The following KCNMB2 variants were observed in gnomAD, a reference collection of about 807,000 sequenced individuals.
The protein encoded by KCNMB2 is potassium calcium-activated channel subfamily M regulatory beta subunit 2, also known as calcium-activated potassium channel subunit beta-2.
KCNMB2 carries 9 observed loss-of-function variants against 24.5 expected under a neutral mutation model. That is an observed-to-expected ratio of 0.37 (90% CI 0.22 to 0.64). The LOEUF is 0.64. Ranked by LOEUF, KCNMB2 falls within the 30% of genes least tolerant of loss-of-function variation. The probability of loss-of-function intolerance (pLI) is 0.63; values close to 1 mark genes in which losing one functional copy is unlikely to be tolerated. For synonymous variants in KCNMB2, 109 were observed against 104.4 expected (o/e 1.04, Z -0.27); for missense variants, 226 against 284.3 (o/e 0.79, Z 1.47).
chr3:178,668,136 T>C (rs540199410), intron 1 of KCNMB2, among the ~76,000 whole-genome samples: 4 of 152,246 alleles, frequency 2.6e-5, no homozygotes, highest in Admixed American at 1.3e-4. Flanking sequence ...CCACGGAACA[T>C]GTATTTGCTG....
At chr3:178,662,668 G>T (rs945831535) in intron 1 of KCNMB2, among the ~76,000 whole-genome samples, 4 of 152,076 alleles carry the variant, frequency 2.6e-5, no homozygotes, top group African/African-American at 9.7e-5. Context: ...CAGAGGAAGT[G>T]TGAGTATGAA....
At chr3:178,552,809 T>G (rs1021134627) in intron 1 of KCNMB2, among the ~76,000 whole-genome samples, 5 of 152,242 alleles carry the variant, frequency 3.3e-5, no homozygotes, top group African/African-American at 1.2e-4. Context: ...ATAAGTCACA[T>G]ATTTTAAGCC....
intron 1 of KCNMB2, among the ~76,000 whole-genome samples, chr3:178,734,222 T>C (rs1403835119): frequency 6.6e-6 from 1 of 152,198 alleles, no homozygotes; most frequent in Non-Finnish European, 1.5e-5. Context: ...TTAGACAATA[T>C]TTTTTACTAA....
chr3:178,826,181 T>C (rs564558432), intron 3 of KCNMB2, among the ~76,000 whole-genome samples: 1 of 151,588 alleles, frequency 6.6e-6, no homozygotes, highest in Non-Finnish European at 1.5e-5. Context: ...CCCTCCTCCC[T>C]TTTCCACCCC....
At chr3:178,624,350 C>T (rs985363736) in intron 1 of KCNMB2, among the ~76,000 whole-genome samples, 1 of 150,292 alleles carries the variant, frequency 6.7e-6, no homozygotes, top group South Asian at 2.1e-4. Flanking sequence ...TTTGAAAATA[C>T]ACAAATTTGT....
At chr3:178,580,933 C>T (rs761185089) in intron 1 of KCNMB2, among the ~76,000 whole-genome samples, 1 of 152,074 alleles carries the variant, frequency 6.6e-6, no homozygotes, top group Non-Finnish European at 1.5e-5. Context: ...GTTAAAATGG[C>T]CATAATGCCC....
At position 178,759,678 on chromosome 3, in the gene KCNMB2, A is replaced by ATCTCTC. The variant is rs1347059246; in HGVS notation, c.-67-47663_-67-47662insTCTCTC. On this transcript the variant is annotated intron_variant, in intron 1 of 4. Coordinates refer to ENST00000452583, the MANE Select transcript of KCNMB2 (RefSeq NM_181361.3). ...CTCCAAGAGGGATATATATATATATATCCAAGAGGATATATATACACATAT... is the reference window on the plus strand; with the variant it reads ...CTCCAAGAGGGATATATATATATATATCTCTCTCCAAGAGGATATATATACACATAT... Among the ~76,000 whole-genome samples, 8 of 111,582 alleles carry ATCTCTC rather than the reference A, an allele frequency of 7.2e-5. 1 individual carries two copies. The highest frequency in any genetic ancestry group is 2.8e-4 in the South Asian group (1 of 3,556). The allele number at this position is 111,582 out of a possible 152,430, so 73.2% of individuals were successfully genotyped here.
chr3:178,788,437 T>TTA (rs1390346640), intron 1 of KCNMB2, among the ~76,000 whole-genome samples: 1 of 152,156 alleles, frequency 6.6e-6, no homozygotes, highest in Non-Finnish European at 1.5e-5. Flanking sequence ...CAGAAGGGCT[T>TTA]TATGTATCAG....
chr3:178,549,789 C>G (rs751799934), intron 1 of KCNMB2, among the ~76,000 whole-genome samples: 20 of 152,158 alleles, frequency 1.3e-4, no homozygotes, highest in Non-Finnish European at 2.4e-4. Flanking sequence ...TGCAAACTTG[C>G]TCAAATTTCT....
intron 1 of KCNMB2, among the ~76,000 whole-genome samples, chr3:178,606,473 CT>C (rs56897838): frequency 0.33 from 45,238 of 138,526 alleles, 6,831 homozygotes; most frequent in Middle Eastern, 0.44. Context: ...TTTCCTATTT[CT>C]TTTTTTTTTT....
intron 1 of KCNMB2, among the ~76,000 whole-genome samples, chr3:178,692,156 G>A (rs1721703482): frequency 6.6e-6 from 1 of 152,098 alleles, no homozygotes; most frequent in African/African-American, 2.4e-5. Flanking sequence ...TTTGTCAGAT[G>A]CATAGTTTAC....
At chr3:178,791,459 A>G (rs1713320454) in intron 1 of KCNMB2, among the ~76,000 whole-genome samples, 1 of 152,194 alleles carries the variant, frequency 6.6e-6, no homozygotes, top group Non-Finnish European at 1.5e-5. Context: ...AGAACAAAAA[A>G]CAATGAATCA....
intron 1 of KCNMB2, among the ~76,000 whole-genome samples, chr3:178,681,789 T>G (rs1026496838): frequency 2.0e-5 from 3 of 152,156 alleles, no homozygotes; most frequent in Non-Finnish European, 4.4e-5. Flanking sequence ...TTGTGTTTCT[T>G]TTTTCCCCCT....
rs868038924 is a variant in KCNMB2 at position 178,781,943 on chromosome 3, C to A, written c.-67-25400C>A. On this transcript the variant is annotated intron_variant, in intron 1 of 4. Coordinates refer to ENST00000452583, the MANE Select transcript of KCNMB2 (RefSeq NM_181361.3). ...CTCCCAGTGCTATCCCTCCCCCCTC[C>A]CCCCACCCCACCACAGTCCCCAGAG... is the stretch of plus-strand genomic sequence containing the variant. Among the ~76,000 whole-genome samples, 115 of 109,942 alleles carry A rather than the reference C, an allele frequency of 1.0e-3. 2 individuals are homozygous for A. The highest frequency in any genetic ancestry group is 3.8e-3 in the African/African-American group (107 of 28,388). The allele number at this position is 109,942 out of a possible 152,430, so 72.1% of individuals were successfully genotyped here.
intron 1 of KCNMB2, among the ~76,000 whole-genome samples, chr3:178,623,057 G>C (rs1434127336): frequency 1.3e-5 from 2 of 152,172 alleles, no homozygotes; most frequent in African/African-American, 4.8e-5. Context: ...AATAGATATG[G>C]ATTAACATTC....
chr3:178,782,094 T>C, intron 1 of KCNMB2, among the ~76,000 whole-genome samples: 1 of 117,584 alleles, frequency 8.5e-6, no homozygotes, highest in Non-Finnish European at 1.8e-5. Flanking sequence ...TCCAATTTCA[T>C]CCATGTCCCT....
At position 178,631,866 on chromosome 3, in the gene KCNMB2, C is replaced by G. The variant is rs562524210; in HGVS notation, c.-68+95155C>G. 5.9e-5 allele frequency among the ~76,000 whole-genome samples: 9 copies of G among 152,300 alleles called. No homozygotes were observed. The South Asian group carries it at 1.9e-3, about 32-fold the overall frequency. ...ATAATAACTAGGTATAATAATTAACCAGATGTTAATTCTCACATGGAGAAA... is the reference window on the plus strand; with the variant it reads ...ATAATAACTAGGTATAATAATTAACGAGATGTTAATTCTCACATGGAGAAA... On this transcript the variant is annotated intron_variant, in intron 1 of 4. Transcript: ENST00000452583.
chr3:178,818,339 C>T (rs1243517106), intron 2 of KCNMB2, among the ~76,000 whole-genome samples: 4 of 152,108 alleles, frequency 2.6e-5, no homozygotes, highest in South Asian at 2.1e-4. Flanking sequence ...TAAACATGTG[C>T]CATAGGTGGT....
intron 4 of KCNMB2, among the ~76,000 whole-genome samples, chr3:178,839,730 C>T (rs1715359912): frequency 6.6e-6 from 1 of 152,132 alleles, no homozygotes; most frequent in African/African-American, 2.4e-5. Flanking sequence ...CATGAGAACT[C>T]ACTCATTATC....
Sources: gnomAD v4.1 joint callset for allele counts (sites outside exome capture counted in the v4.1 genomes callset) on GRCh38, gnomAD v4.1.1 for gene constraint, MANE v1.5 for transcripts, NCBI Gene and HGNC (gene_info 2026-07-23, HGNC 2026-07-21) for gene names.